Variants in YWHAG observed in about 807,000 individuals in gnomAD.
YWHAG encodes the protein 14-3-3 protein gamma.
In YWHAG, 1 loss-of-function variant was observed where a neutral mutation model predicts 23.3. That is an observed-to-expected ratio of 0.04 (90% CI 0.02 to 0.20). YWHAG has a LOEUF of 0.20. YWHAG is among the 10% of genes least tolerant of loss of function. The pLI is 1.00. For synonymous variants in YWHAG, 160 were observed against 144.0 expected (o/e 1.11, Z -0.80); for missense variants, 151 against 338.6 (o/e 0.45, Z 4.35).
At chr7:76,345,538 C>A (rs981850171) in intron 1 of YWHAG, among the ~76,000 whole-genome samples, 1 of 151,986 alleles carries the variant, frequency 6.6e-6, no homozygotes, top group Non-Finnish European at 1.5e-5. Context: ...TTGTTGAGTG[C>A]CAACAAAAGA....
At chr7:76,343,802 A>C (rs1803735325) in intron 1 of YWHAG, among the ~76,000 whole-genome samples, 1 of 152,176 alleles carries the variant, frequency 6.6e-6, no homozygotes, top group African/African-American at 2.4e-5. Flanking sequence ...CCACCACGTG[A>C]AGAAGCCTGG....
intron 1 of YWHAG, among the ~76,000 whole-genome samples, chr7:76,330,853 G>A (rs1038604535): frequency 2.6e-5 from 4 of 152,160 alleles, no homozygotes; most frequent in South Asian, 2.1e-4. Flanking sequence ...ACAAAAGAAC[G>A]AGGCGAGCAC....
At chr7:76,357,606 C>A (rs546673899) in intron 1 of YWHAG, among the ~76,000 whole-genome samples, 20 of 152,042 alleles carry the variant, frequency 1.3e-4, no homozygotes, top group Admixed American at 3.3e-4. Flanking sequence ...CGACAACTGG[C>A]GATCGGTATT....
chr7:76,344,639 A>G (rs1803748868), intron 1 of YWHAG, among the ~76,000 whole-genome samples: 1 of 152,158 alleles, frequency 6.6e-6, no homozygotes, highest in Non-Finnish European at 1.5e-5. Context: ...CCTGGAATCA[A>G]TGTCATGCTC....
chr7:76,336,433 T>C (rs1299044580), intron 1 of YWHAG, among the ~76,000 whole-genome samples: 1 of 150,006 alleles, frequency 6.7e-6, no homozygotes, highest in Non-Finnish European at 1.5e-5. Context: ...AATCCAAAAC[T>C]GCTCTAAGAA....
Position 76,358,802 on chromosome 7 carries a change from C to T in YWHAG, c.7G>A (p.Asp3Asn). ...GCTTTCTGCACCAGTTGCTCGCGGTCCACCATCTTCGCGGGGCTGGGTCTG... is the reference window on the plus strand; with the variant it reads ...GCTTTCTGCACCAGTTGCTCGCGGTTCACCATCTTCGCGGGGCTGGGTCTG... MVDREQLVQKARL... is the reference protein window; with the variant it reads MVNREQLVQKARL... The change falls in exon 1 of 2, where the codon GAC (aspartate) becomes AAC (asparagine). Residue 3 changes from aspartate to asparagine, a missense_variant. Physicochemically the swap from Asp to Asn is conservative, Grantham distance 23 (BLOSUM62 1). Transcript: ENST00000307630. 6.3e-7 allele frequency: 1 copy of T among 1,593,242 alleles called. No individual in the cohort carries two copies. The highest frequency in any genetic ancestry group is 8.5e-7 in the Non-Finnish European group (1 of 1,171,224).
intron 1 of YWHAG, among the ~76,000 whole-genome samples, chr7:76,339,027 C>T (rs1346803150): frequency 6.6e-6 from 1 of 152,164 alleles, no homozygotes. Flanking sequence ...TTATTCATAC[C>T]TACAATTGAA....
chr7:76,343,593 C>T (rs1423858844), intron 1 of YWHAG, among the ~76,000 whole-genome samples: 1 of 152,210 alleles, frequency 6.6e-6, no homozygotes, highest in African/African-American at 2.4e-5. Context: ...GTAATTCCTC[C>T]TGATTCTGTC....
At chr7:76,358,595 C>A (rs891767615) in intron 1 of YWHAG, 127 bp downstream of exon 1, 4 of 950,246 alleles carry the variant, frequency 4.2e-6, no homozygotes, top group South Asian at 1.8e-5. Context: ...CCCCAGCCCC[C>A]CTCAGTGAGC....
In YWHAG at chr7:76,327,806, C is replaced by T. The variant is rs1038742823; in HGVS notation, c.*1771G>A. 8 of 151,708 alleles carry T rather than the reference C, an allele frequency of 5.3e-5. No individual in the cohort carries two copies. Among genetic ancestry groups the T allele is most frequent in the South Asian group, 4.2e-4 (2 of 4,814 alleles). The allele number at this position is 151,708 out of a possible 1,614,324, so 9.4% of individuals were successfully genotyped here. ...CACTTAACTGGGACTTTTACTCTAG[C>T]GTGAGGAGGGGGCCTCCTAAGGAAA... On this transcript the variant is annotated 3_prime_UTR_variant, in exon 2 of 2. Coordinates refer to ENST00000307630, the MANE Select transcript of YWHAG (RefSeq NM_012479.4).
At chr7:76,339,960 AC>A (rs1423249601) in intron 1 of YWHAG, among the ~76,000 whole-genome samples, 1 of 152,010 alleles carries the variant, frequency 6.6e-6, no homozygotes, top group Non-Finnish European at 1.5e-5. Flanking sequence ...GTGGTGGCAC[AC>A]ACCTGTAATC....
At chr7:76,339,380 G>A (rs1389407125) in intron 1 of YWHAG, among the ~76,000 whole-genome samples, 1 of 152,134 alleles carries the variant, frequency 6.6e-6, no homozygotes, top group East Asian at 1.9e-4. Flanking sequence ...GGAGACAGGA[G>A]AACTGCTTGA....
intron 1 of YWHAG, among the ~76,000 whole-genome samples, chr7:76,347,726 C>T (rs1803804062): frequency 6.6e-6 from 1 of 152,224 alleles, no homozygotes. Context: ...TTGCAAATTC[C>T]ACATAAAACT....
chr7:76,329,629 G>A lies in YWHAG; in HGVS notation c.692C>T (p.Thr231Met), dbSNP rs1303116971. ...LIMQLLRDNL[T>M]LWTSDQQDDD... ...GTCCTGCTGGTCGCTCGTCCAGAGC[G>A]TGAGGTTGTCGCGGAGGAGCTGCAT... is the stretch of plus-strand genomic sequence containing the variant. Residue 231 changes from threonine to methionine, a missense_variant, in exon 2 of 2, where the codon ACG (threonine) becomes ATG (methionine). Physicochemically the swap from Thr to Met is moderately conservative, Grantham distance 81. Coordinates refer to ENST00000307630, the MANE Select transcript of YWHAG (RefSeq NM_012479.4). This position sits in a 1 kb window ranked among gnomAD's most constrained non-coding sequence, Gnocchi z 6.1. 2 of 1,614,092 alleles carry A rather than the reference G, an allele frequency of 1.2e-6. No individual in the cohort carries two copies. The highest frequency in any genetic ancestry group is 1.7e-5 in the Admixed American group (1 of 60,012).
chr7:76,340,383 G>C (rs1481068848), intron 1 of YWHAG, among the ~76,000 whole-genome samples: 1 of 151,720 alleles, frequency 6.6e-6, no homozygotes, highest in Non-Finnish European at 1.5e-5. Context: ...TTTTTGTTTT[G>C]TTTTGAATTC....
chr7:76,357,390 G>T (rs1419234106), intron 1 of YWHAG, among the ~76,000 whole-genome samples: 1 of 152,200 alleles, frequency 6.6e-6, no homozygotes, highest in African/African-American at 2.4e-5. Context: ...AGATGAATTT[G>T]AAAATCTTTG....
chr7:76,354,353 C>T (rs1803919809), intron 1 of YWHAG, among the ~76,000 whole-genome samples: 1 of 151,632 alleles, frequency 6.6e-6, no homozygotes, highest in South Asian at 2.1e-4. Context: ...TCTATCAAAA[C>T]TACAAAAATT....
intron 1 of YWHAG, among the ~76,000 whole-genome samples, chr7:76,335,224 ATT>A (rs1321817948): frequency 6.6e-6 from 1 of 151,750 alleles, no homozygotes; most frequent in Non-Finnish European, 1.5e-5. Flanking sequence ...CGCCCAGCTA[ATT>A]TTTGTACTTT....
intron 1 of YWHAG, among the ~76,000 whole-genome samples, chr7:76,345,107 G>A (rs73357728): frequency 0.027 from 4,087 of 152,150 alleles, 177 homozygotes; most frequent in African/African-American, 0.094. Context: ...CACTACAAAC[G>A]GCCTGGCAAT....
Sources: gnomAD v4.1 joint callset for allele counts (sites outside exome capture counted in the v4.1 genomes callset) on GRCh38, gnomAD v4.1.1 for gene constraint, Gnocchi (gnomAD v3.1) non-coding constraint, MANE v1.5 for transcripts, NCBI Gene and HGNC (gene_info 2026-07-23, HGNC 2026-07-21) for gene names.